NOL4L: variants seen among roughly 807,000 people sequenced by gnomAD.
NOL4L encodes the protein nucleolar protein 4 like, also known as nucleolar protein 4-like.
In NOL4L, 7 loss-of-function variants were observed where a neutral mutation model predicts 64.5. That is an observed-to-expected ratio of 0.11 (90% CI 0.06 to 0.20). The LOEUF (loss-of-function observed/expected upper bound fraction) is 0.20, where lower values mean the gene tolerates loss of function less well. Ranked by LOEUF, NOL4L falls within the 10% of genes least tolerant of loss-of-function variation. The probability of loss-of-function intolerance (pLI) is 1.00; values close to 1 mark genes in which losing one functional copy is unlikely to be tolerated. For synonymous variants in NOL4L, 413 were observed against 401.0 expected (o/e 1.03, Z -0.36); for missense variants, 680 against 967.1 (o/e 0.70, Z 3.94).
At chr20:32,507,718 T>C (rs186718337) in intron 4 of NOL4L, among the ~76,000 whole-genome samples, 164 of 152,300 alleles carry the variant, frequency 1.1e-3, no homozygotes, top group African/African-American at 3.9e-3. Context: ...ATTAATAAAA[T>C]ATTTATCCTG....
chr20:32,454,743 CAAG>C (rs767877495), intron 6 of NOL4L, among the ~76,000 whole-genome samples: 22 of 152,238 alleles, frequency 1.4e-4, no homozygotes, highest in Non-Finnish European at 2.6e-4. Flanking sequence ...TCCCTGCCCT[CAAG>C]GAGGTTGGCA....
At chr20:32,473,868 G>T (rs1210438284) in intron 5 of NOL4L, among the ~76,000 whole-genome samples, 2 of 152,208 alleles carry the variant, frequency 1.3e-5, no homozygotes, top group African/African-American at 2.4e-5. Flanking sequence ...CGATGCTGGG[G>T]TGCTGTGCTC....
chr20:32,525,072 C>T lies in NOL4L; in HGVS notation c.477+2686G>A, dbSNP rs189647867. ...CATGTGCCAGCTCCAGGCTGGGCAG[C>T]GGGAAGTGGGGCACGCGGCAGGCAT... On this transcript the variant is annotated intron_variant, in intron 2 of 10. Coordinates refer to ENST00000621426, the MANE Select transcript of NOL4L (RefSeq NM_001256798.2). 1.4e-4 allele frequency among the ~76,000 whole-genome samples: 21 copies of T among 152,236 alleles called. No homozygotes were observed. The East Asian group carries it at 3.3e-3, about 24-fold the overall frequency.
At chr20:32,516,089 C>T (rs967947121) in intron 3 of NOL4L, among the ~76,000 whole-genome samples, 1 of 152,136 alleles carries the variant, frequency 6.6e-6, no homozygotes, top group Non-Finnish European at 1.5e-5. Flanking sequence ...GGTGGTGATG[C>T]TCACAAGCTT....
intron 3 of NOL4L, among the ~76,000 whole-genome samples, chr20:32,511,883 G>A (rs992841092): frequency 6.6e-5 from 10 of 152,158 alleles, no homozygotes; most frequent in African/African-American, 2.4e-4. Context: ...GTGTGTGCCT[G>A]TAGTCCTAGC....
At chr20:32,575,736 T>C (rs185006522) in intron 1 of NOL4L, among the ~76,000 whole-genome samples, 1 of 152,206 alleles carries the variant, frequency 6.6e-6, no homozygotes, top group East Asian at 1.9e-4. Flanking sequence ...GCACAGAAAG[T>C]AGTGAAATAC....
At chr20:32,518,506 C>T (rs930778297) in intron 3 of NOL4L, among the ~76,000 whole-genome samples, 13 of 152,184 alleles carry the variant, frequency 8.5e-5, no homozygotes, top group East Asian at 5.8e-4. Flanking sequence ...GTGAGGAGTG[C>T]GGAGGGAGCT....
intron 2 of NOL4L, among the ~76,000 whole-genome samples, chr20:32,523,923 G>A (rs1245334183): frequency 6.6e-6 from 1 of 152,196 alleles, no homozygotes; most frequent in Non-Finnish European, 1.5e-5. Flanking sequence ...AAAGACAGAT[G>A]AGGCCAATTG....
chr20:32,525,568 A>G (rs567963937), intron 2 of NOL4L, among the ~76,000 whole-genome samples: 1 of 152,108 alleles, frequency 6.6e-6, no homozygotes, highest in Admixed American at 6.6e-5. Context: ...TGTAGAGCAC[A>G]TGCTGACTGC....
At chr20:32,565,980 G>A (rs1051910910) in intron 1 of NOL4L, among the ~76,000 whole-genome samples, 6 of 152,282 alleles carry the variant, frequency 3.9e-5, no homozygotes, top group Non-Finnish European at 8.8e-5. Context: ...CCCAGGTCAA[G>A]GCTGCAGTGA....
chr20:32,567,071 C>G (rs1979473968), intron 1 of NOL4L, among the ~76,000 whole-genome samples: 1 of 152,240 alleles, frequency 6.6e-6, no homozygotes, highest in African/African-American at 2.4e-5. Flanking sequence ...CATCTGTCCC[C>G]TCTCTTTACT....
chr20:32,517,445 G>A (rs1436729564), intron 3 of NOL4L, among the ~76,000 whole-genome samples: 1 of 152,244 alleles, frequency 6.6e-6, no homozygotes, highest in Non-Finnish European at 1.5e-5. Flanking sequence ...AGCATGGCGG[G>A]CAGAGATAGG....
At chr20:32,543,333 G>T (rs185878224) in intron 1 of NOL4L, among the ~76,000 whole-genome samples, 95 of 152,256 alleles carry the variant, frequency 6.2e-4, no homozygotes, top group African/African-American at 2.0e-3. Context: ...GCAAAAATTA[G>T]CTGGGGCTGG....
chr20:32,545,950 CTTTTTT>C lies in NOL4L; in HGVS notation c.322-18043_322-18038del, dbSNP rs11327665. Among the ~76,000 whole-genome samples the C allele has an allele frequency of 9.7e-5, 13 of 133,924 alleles. No individual in the cohort carries two copies. In the South Asian group the frequency reaches 1.4e-3, roughly 14 times the overall value. 87.9% of individuals were successfully genotyped at this position (133,924 alleles called of 152,430 possible). On this transcript the variant is annotated intron_variant, in intron 1 of 10. Coordinates refer to ENST00000621426, the MANE Select transcript of NOL4L (RefSeq NM_001256798.2). Reference sequence around the variant, plus strand: ...GTAATTCTTTTTTTTTCTTTCTTTTCTTTTTTTTTTTTTTTGGAGACAGAGTCTTGC... The same window carrying C: ...GTAATTCTTTTTTTTTCTTTCTTTTCTTTTTTTTTGGAGACAGAGTCTTGC...
rs575728738 is a variant in NOL4L at position 32,444,924 on chromosome 20, G to C, written c.*2672C>G. 16 of 146,260 alleles carry C rather than the reference G, an allele frequency of 1.1e-4. No homozygotes were observed. The highest frequency in any genetic ancestry group is 4.2e-4 in the African/African-American group (16 of 38,416). The allele number at this position is 146,260 out of a possible 1,614,324, so 9.1% of individuals were successfully genotyped here. On this transcript the variant is annotated 3_prime_UTR_variant, in exon 11 of 11. Coordinates refer to ENST00000621426, the MANE Select transcript of NOL4L (RefSeq NM_001256798.2). Reference sequence around the variant, plus strand: ...CCCTCCAAGTCGGGAGTAGGGGGAAGGGGTTGAAGCTGCATCTTTTAAAAC... The same window carrying C: ...CCCTCCAAGTCGGGAGTAGGGGGAACGGGTTGAAGCTGCATCTTTTAAAAC...
intron 10 of NOL4L, among the ~76,000 whole-genome samples, chr20:32,448,314 G>A (rs1042949248): frequency 2.6e-5 from 4 of 152,166 alleles, no homozygotes; most frequent in Admixed American, 6.5e-5. Flanking sequence ...TGAGAGATGC[G>A]TGTGGGGAAA....
chr20:32,551,113 T>C (rs1422404373), intron 1 of NOL4L, among the ~76,000 whole-genome samples: 1 of 151,920 alleles, frequency 6.6e-6, no homozygotes, highest in African/African-American at 2.4e-5. Context: ...CGGTGGCTCA[T>C]GCCTGTAATC....
intron 4 of NOL4L, among the ~76,000 whole-genome samples, chr20:32,493,487 G>A (rs985684861): frequency 1.3e-5 from 2 of 152,096 alleles, no homozygotes; most frequent in African/African-American, 2.4e-5. Flanking sequence ...GCCCTTGCTC[G>A]GTGTGACCTC....
At chr20:32,527,575 C>T (rs1011468064) in intron 2 of NOL4L, among the ~76,000 whole-genome samples, 183 bp downstream of exon 2, 1 of 152,138 alleles carries the variant, frequency 6.6e-6, no homozygotes, top group African/African-American at 2.4e-5. Flanking sequence ...CAGATTCCCT[C>T]CCCTCGCCCT....
Sources: allele counts gnomAD v4.1 joint callset (sites outside exome capture counted in the v4.1 genomes callset), GRCh38; gene constraint gnomAD v4.1.1; transcripts MANE v1.5; gene names NCBI Gene and HGNC (gene_info 2026-07-23, HGNC 2026-07-21).